Variants in NOM1 observed in about 807,000 individuals in gnomAD.
The protein encoded by NOM1 is nucleolar protein with MIF4G domain 1.
Under a neutral mutation model 73.3 loss-of-function variants are expected in NOM1, and 58 were observed. The ratio of observed to expected loss-of-function variants is 0.79; its 90% CI spans 0.64 to 0.99. NOM1 has a LOEUF of 0.99. Among genes scored for constraint, NOM1 ranks in the 50% least tolerant of loss-of-function variants. The pLI, the probability that NOM1 is intolerant of heterozygous loss-of-function variation, is 0.00. For synonymous variants in NOM1, 487 were observed against 446.8 expected (o/e 1.09, Z -1.14); for missense variants, 1,226 against 1,131.9 (o/e 1.08, Z -1.19).
Position 156,950,065 on chromosome 7 carries a change from C to G in NOM1, c.328C>G (p.Leu110Val). 6.5e-7 allele frequency: 1 copy of G among 1,543,990 alleles called. No homozygotes were observed. The highest frequency in any genetic ancestry group is 8.7e-7 in the Non-Finnish European group (1 of 1,147,010). ...RTAGPEQGPG[L>V]GGRSGAEEAS... ...GGCGGGCCCCGAACAGGGTCCCGGCCTGGGAGGCCGAAGCGGAGCCGAAGA... is the reference window on the plus strand; with the variant it reads ...GGCGGGCCCCGAACAGGGTCCCGGCGTGGGAGGCCGAAGCGGAGCCGAAGA... Residue 110 changes from leucine to valine, a missense_variant, in exon 1 of 11, where the codon CTG becomes GTG. Leu to Val is a conservative substitution (Grantham distance 32). Coordinates refer to ENST00000275820, the MANE Select transcript of NOM1 (RefSeq NM_138400.2).
rs6150414 is a variant in NOM1, at chr7:156,968,687, T to TTATA, written c.2299-357_2299-354dup. On this transcript the variant is annotated intron_variant, in intron 9 of 10. Coordinates refer to ENST00000275820, the MANE Select transcript of NOM1 (RefSeq NM_138400.2). Reference sequence around the variant, plus strand: ...TGGATTAGTCTTCTAGAAGTAAATTTTATATATATATATATATATATATAT... The same window carrying TTATA: ...TGGATTAGTCTTCTAGAAGTAAATTTTATATATATATATATATATATATATATAT... 456 of 132,246 alleles carry TTATA rather than the reference T, an allele frequency of 3.4e-3. 1 individual carries two copies. The highest frequency in any genetic ancestry group is 5.7e-3 in the African/African-American group (203 of 35,454). 8.2% of individuals were successfully genotyped at this position (132,246 alleles called of 1,614,324 possible).
At chr7:156,952,292 G>A in intron 1 of NOM1, among the ~76,000 whole-genome samples, 182 bp from the exon 2 acceptor site, 1 of 152,212 alleles carries the variant, frequency 6.6e-6, no homozygotes, top group East Asian at 1.9e-4. Flanking sequence ...GCACAGCCTG[G>A]TGAGTGGAAT....
rs1416537948 is a variant in NOM1 at position 156,950,728 on chromosome 7, TC to T, written c.987+5del. 5 of 1,549,986 alleles carry T rather than the reference TC, an allele frequency of 3.2e-6. No individual in the cohort carries two copies. The highest frequency in any genetic ancestry group is 4.4e-6 in the Non-Finnish European group (5 of 1,146,072). ...GGACGGTGACATAACGGATAAGGTA[TC>T]GTGTGAACACTCTCTAGGCCCTCTG... On this transcript the variant is annotated splice_donor_5th_base_variant and intron_variant, in intron 1 of 10. Transcript: ENST00000275820.
intron 8 of NOM1, 70 bp from the exon 9 acceptor site, chr7:156,966,891 A>G: frequency 1.4e-6 from 2 of 1,420,052 alleles, no homozygotes; most frequent in South Asian, 2.6e-5. Flanking sequence ...CCTTTAGGTT[A>G]TGTTGTTAGT....
At chr7:156,952,326 A>G (rs1353662493) in intron 1 of NOM1, 148 bp from the exon 2 acceptor site, 4 of 803,512 alleles carry the variant, frequency 5.0e-6, no homozygotes, top group Non-Finnish European at 7.8e-6. Context: ...CTAAGCACTC[A>G]ATAAATCTGA....
intron 3 of NOM1, among the ~76,000 whole-genome samples, chr7:156,956,589 G>A (rs10273308): frequency 0.52 from 79,664 of 152,048 alleles, 21,144 homozygotes; most frequent in Middle Eastern, 0.66. Flanking sequence ...TAGTTGCATG[G>A]TGGCAGCTTT....
At chr7:156,962,018 A>G in intron 4 of NOM1, 133 bp from the exon 5 acceptor site, 2 of 716,708 alleles carry the variant, frequency 2.8e-6, no homozygotes, top group East Asian at 2.6e-5. Context: ...GTCTCTACCT[A>G]AAGGCTGTCC....
At chr7:156,962,403 G>A in intron 5 of NOM1, 142 bp downstream of exon 5, 3 of 681,346 alleles carry the variant, frequency 4.4e-6, no homozygotes, top group Non-Finnish European at 5.1e-6. Context: ...AGTGAACGCG[G>A]CTCGGTTTTC....
intron 3 of NOM1, among the ~76,000 whole-genome samples, chr7:156,957,016 C>G (rs1343725360): frequency 7.1e-6 from 1 of 140,806 alleles, no homozygotes; most frequent in Non-Finnish European, 1.6e-5. Context: ...CACAGCACAT[C>G]AGGAATTTAC....
intron 7 of NOM1, 23 bp from the exon 8 acceptor site, chr7:156,966,247 G>A: frequency 1.2e-6 from 2 of 1,612,248 alleles, no homozygotes; most frequent in Admixed American, 1.7e-5. Context: ...TGATGTTCCA[G>A]TCATTGCTGT....
chr7:156,953,694 T>C (rs1035212147), intron 2 of NOM1, among the ~76,000 whole-genome samples: 1 of 152,224 alleles, frequency 6.6e-6, no homozygotes, highest in African/African-American at 2.4e-5. Context: ...AGCAGCCTTT[T>C]CTAGTGTTAG....
Position 156,971,366 on chromosome 7 carries a change from T to TCGA in NOM1, c.*1663_*1664insCGA. 6.6e-6 allele frequency: 1 copy of TCGA among 152,366 alleles called. No individual in the cohort carries two copies. The highest frequency in any genetic ancestry group is 1.9e-4 in the East Asian group (1 of 5,184). 9.4% of individuals were successfully genotyped at this position (152,366 alleles called of 1,614,324 possible). A position where few individuals can be genotyped will look rare whatever the true frequency, so the allele number is the denominator to read the frequency against. ...TGCCTCTCCTGGGCAAAACGCCCCA[T>TCGA]TTGTGGCACTTTCAGATACTATTTA... On this transcript the variant is annotated 3_prime_UTR_variant, in exon 11 of 11. Transcript: ENST00000275820.
In NOM1 at chr7:156,959,831, T is replaced by G. The variant is rs1453223828; in HGVS notation, c.1309-20T>G. On this transcript the variant is annotated intron_variant, in intron 3 of 10. Transcript: ENST00000275820. ...GGTTTCTAGGAATAACATAATCTTT[T>G]TTCTGTGTGGTTCTTTCAGGTCGGT... The G allele has an allele frequency of 6.2e-7, 1 of 1,609,834 alleles. No individual in the cohort carries two copies. The highest frequency in any genetic ancestry group is 1.3e-5 in the African/African-American group (1 of 74,582).
Position 156,959,876 on chromosome 7 carries a change from T to C in NOM1, c.1334T>C (p.Val445Ala), listed in dbSNP as rs776865645. The C allele has an allele frequency of 9.9e-6, 16 of 1,614,060 alleles. No homozygotes were observed. The highest frequency in any genetic ancestry group is 1.4e-5 in the Non-Finnish European group (16 of 1,180,022). ...GTCGGTGCCCACTTTCTGGAGGCAGTGGTGAGGAAGTTCGATGCCATCTAT... is the reference window on the plus strand; with the variant it reads ...GTCGGTGCCCACTTTCTGGAGGCAGCGGTGAGGAAGTTCGATGCCATCTAT... ...IEVGAHFLEA[V>A]VRKFDAIYKY... The change falls in exon 4 of 11, where the codon GTG (valine) becomes GCG (alanine). Residue 445 changes from valine to alanine, a missense_variant. Physicochemically the swap from Val to Ala is moderately conservative, Grantham distance 64. Coordinates refer to ENST00000275820, the MANE Select transcript of NOM1 (RefSeq NM_138400.2).
At chr7:156,966,509 GATATCCCCGTC>G in intron 8 of NOM1, 107 bp downstream of exon 8, 1 of 1,326,810 alleles carries the variant, frequency 7.5e-7, no homozygotes, top group Non-Finnish European at 1.1e-6. Context: ...GGAGGCCCCT[GATATCCCCGTC>G]ACCTGGTCCA....
chr7:156,952,504 C>T lies in NOM1; in HGVS notation c.1018C>T (p.Pro340Ser). The change falls in exon 2 of 11, where the codon CCA becomes TCA. Residue 340 changes from proline to serine, a missense_variant. By Grantham distance (74) the Pro-to-Ser change is moderately conservative. Coordinates refer to ENST00000275820, the MANE Select transcript of NOM1 (RefSeq NM_138400.2). Reference protein sequence around the residue: ...SLCGSGEKYIPPHVRQAEETV... With the variant: ...SLCGSGEKYISPHVRQAEETV... ...TTGTGGAAGTGGTGAAAAGTACATC[C>T]CACCTCATGTGAGGCAAGCTGAGGA... 6.2e-7 allele frequency: 1 copy of T among 1,613,554 alleles called. No homozygotes were observed. Among genetic ancestry groups the T allele is most frequent in the Middle Eastern group, 1.7e-4 (1 of 6,052 alleles).
rs1444592897 is a variant in NOM1, at chr7:156,963,959, C to T, written c.1966C>T (p.Arg656Trp). The T allele has an allele frequency of 1.2e-6, 2 of 1,613,826 alleles. No individual in the cohort carries two copies. Among genetic ancestry groups the T allele is most frequent in the Non-Finnish European group, 1.7e-6 (2 of 1,179,876 alleles). ...ARKQRMNTDI[R>W]RNIFCTIMTS... The stretch of plus-strand genomic sequence containing the variant: ...GAAGCAGAGGATGAACACAGACATC[C>T]GGAGAAACATATTCTGCACAATAAT... Residue 656 changes from arginine (R) to tryptophan (W), a missense_variant, in exon 7 of 11, where the codon CGG becomes TGG. By Grantham distance (101) the Arg-to-Trp change is moderately radical. Coordinates refer to ENST00000275820, the MANE Select transcript of NOM1 (RefSeq NM_138400.2).
chr7:156,953,836 G>A (rs779190094), intron 2 of NOM1, among the ~76,000 whole-genome samples: 1 of 152,204 alleles, frequency 6.6e-6, no homozygotes, highest in African/African-American at 2.4e-5. Context: ...GTATGTTTCT[G>A]TAGACTTAAT....
rs1461476635 is a variant in NOM1, at chr7:156,960,084, G to T, written c.1542G>T (p.Arg514Ser). Residue 514 changes from arginine to serine, a missense_variant, in exon 4 of 11, where the codon AGG becomes AGT. Transcript: ENST00000275820. ...TGAAAAACGTGGGTTTTTCATTGAG[G>T]AAAGATGATGCTTTATCACTTAAGG... is the stretch of plus-strand genomic sequence containing the variant. ...LMLKNVGFSL[R>S]KDDALSLKEL... The T allele has an allele frequency of 6.2e-7, 1 of 1,614,112 alleles. No individual in the cohort carries two copies.
Sources: allele counts gnomAD v4.1 joint callset (sites outside exome capture counted in the v4.1 genomes callset), GRCh38; gene constraint gnomAD v4.1.1; transcripts MANE v1.5; gene names NCBI Gene and HGNC (gene_info 2026-07-23, HGNC 2026-07-21).